P2RX3: variants seen among roughly 807,000 people sequenced by gnomAD.
P2RX3 encodes P2X purinoceptor 3.
Under a neutral mutation model 51.5 loss-of-function variants are expected in P2RX3, and 41 were observed. The observed-to-expected ratio is 0.80, with a 90% CI of 0.62 to 1.03. P2RX3 has a LOEUF of 1.03. Ranked by LOEUF, P2RX3 falls within the 50% of genes least tolerant of loss-of-function variation. P2RX3 has a pLI of 0.00. For missense variants in P2RX3, 459 were observed against 522.1 expected (o/e 0.88, Z 1.18); for synonymous variants, 185 against 191.6 (o/e 0.97, Z 0.29).
Position 57,369,987 on chromosome 11 carries a change from T to C in P2RX3, c.1184T>C (p.Ile395Thr). The stretch of plus-strand genomic sequence containing the variant: ...TCCACCGATTCGGGGGCCTTCTCCA[T>C]AGGCCACTAGGGCCTCTTTCCAGGG... ...KQSTDSGAFSIGH is the reference protein window; with the variant it reads ...KQSTDSGAFSTGH Residue 395 changes from isoleucine (I) to threonine (T), a missense_variant, in exon 12 of 12, where the codon ATA (isoleucine) becomes ACA (threonine). Coordinates refer to ENST00000263314, the MANE Select transcript of P2RX3 (RefSeq NM_002559.5). The C allele has an allele frequency of 1.2e-6, 2 of 1,610,282 alleles. No individual in the cohort carries two copies. Among genetic ancestry groups the C allele is most frequent in the African/African-American group, 1.3e-5 (1 of 75,012 alleles).
chr11:57,361,935 C>A (rs1420896303), intron 8 of P2RX3, among the ~76,000 whole-genome samples: 1 of 152,172 alleles, frequency 6.6e-6, no homozygotes, highest in African/African-American at 2.4e-5. Context: ...CCTTCCCAAC[C>A]CTTCCTTATG....
At chr11:57,364,370 G>A (rs548419023) in intron 8 of P2RX3, among the ~76,000 whole-genome samples, 2 of 152,314 alleles carry the variant, frequency 1.3e-5, no homozygotes, top group South Asian at 4.1e-4. Context: ...AACTTTGGAG[G>A]CATCGGTATG....
chr11:57,362,204 A>C (rs1404734901), intron 8 of P2RX3, among the ~76,000 whole-genome samples: 1 of 152,180 alleles, frequency 6.6e-6, no homozygotes, highest in Non-Finnish European at 1.5e-5. Flanking sequence ...TGTCTGTGGG[A>C]TGTGTTCAGG....
At chr11:57,359,322 G>T (rs1007245240) in intron 8 of P2RX3, among the ~76,000 whole-genome samples, 1 of 152,184 alleles carries the variant, frequency 6.6e-6, no homozygotes, top group African/African-American at 2.4e-5. Flanking sequence ...AGAAACCAGG[G>T]GGGAGGAAGC....
chr11:57,352,374 G>A (rs887832122), intron 8 of P2RX3, among the ~76,000 whole-genome samples: 2 of 152,136 alleles, frequency 1.3e-5, no homozygotes, highest in Non-Finnish European at 2.9e-5. Flanking sequence ...TAAAAATACT[G>A]TGCGGCTCAC....
chr11:57,342,487 G>T (rs1255226658), intron 1 of P2RX3, among the ~76,000 whole-genome samples: 1 of 151,854 alleles, frequency 6.6e-6, no homozygotes, highest in African/African-American at 2.4e-5. Context: ...AGTCATCCTG[G>T]TCCAGAGAGA....
In P2RX3 at chr11:57,369,350, T is replaced by G; in HGVS notation, c.1003-11T>G. 1 of 1,607,978 alleles carries G rather than the reference T, an allele frequency of 6.2e-7. No individual in the cohort carries two copies. Among genetic ancestry groups the G allele is most frequent in the Non-Finnish European group, 8.5e-7 (1 of 1,177,706 alleles). On this transcript the variant is annotated splice_polypyrimidine_tract_variant and intron_variant, in intron 10 of 11. Transcript: ENST00000263314. ...CACCCCTCGGAGCCCGCCCTGCCTC[T>G]CCTCCTCCAGGGAACTGTTCTCTGT...
intron 8 of P2RX3, among the ~76,000 whole-genome samples, chr11:57,353,302 C>A (rs1466170627): frequency 6.6e-6 from 1 of 152,180 alleles, no homozygotes; most frequent in Non-Finnish European, 1.5e-5. Context: ...GTTTTGTGTG[C>A]TTCAGCTCAG....
intron 8 of P2RX3, among the ~76,000 whole-genome samples, chr11:57,356,267 C>A (rs1338302854): frequency 6.6e-6 from 1 of 152,024 alleles, no homozygotes; most frequent in East Asian, 1.9e-4. Flanking sequence ...TGCCTTGCGC[C>A]ATCACATGGC....
Position 57,348,712 on chromosome 11 carries a change from C to T in P2RX3, c.563+8C>T. ...CCTCTTCAACTTTGAGAAGTGAGTC[C>T]CCACTCCTTCCCTAAAGCCAAGATG... On this transcript the variant is annotated splice_region_variant and intron_variant, in intron 6 of 11. Coordinates refer to ENST00000263314, the MANE Select transcript of P2RX3 (RefSeq NM_002559.5). 1 of 1,607,608 alleles carries T rather than the reference C, an allele frequency of 6.2e-7. No homozygotes were observed. The highest frequency in any genetic ancestry group is 8.5e-7 in the Non-Finnish European group (1 of 1,175,484).
Position 57,350,992 on chromosome 11 carries a change from C to A in P2RX3, c.842+94C>A, listed in dbSNP as rs1036609769. On this transcript the variant is annotated intron_variant, in intron 8 of 11. Coordinates refer to ENST00000263314, the MANE Select transcript of P2RX3 (RefSeq NM_002559.5). ...AGACAAGATCCCACATCCATCCACC[C>A]ACCCCTGGCCCCAAGTCCCACCTCA... is the stretch of plus-strand genomic sequence containing the variant. The A allele has an allele frequency of 8.4e-6, 13 of 1,540,212 alleles. No homozygotes were observed. The East Asian group carries it at 9.4e-5, about 11-fold the overall frequency.
At chr11:57,353,869 T>A (rs1214067602) in intron 8 of P2RX3, among the ~76,000 whole-genome samples, 1 of 127,844 alleles carries the variant, frequency 7.8e-6, no homozygotes, top group African/African-American at 3.4e-5. Context: ...TTTGTAGCTC[T>A]TTGCCTGCAG....
At chr11:57,337,350 G>GAAAAAAAAAAAAAAAAAAA (rs11339711), upstream of P2RX3, among the ~76,000 whole-genome samples, 1 of 73,496 alleles carries the variant, frequency 1.4e-5, no homozygotes, top group Non-Finnish European at 2.5e-5. Flanking sequence ...AGGAAAGAAA[G>GAAAAAAAAAAAAAAAAAAA]AAAAAAAAAA....
At chr11:57,358,772 T>C (rs1856668925) in intron 8 of P2RX3, among the ~76,000 whole-genome samples, 1 of 152,192 alleles carries the variant, frequency 6.6e-6, no homozygotes, top group African/African-American at 2.4e-5. Flanking sequence ...GGAATGGAGC[T>C]CCAGCCCTGC....
At chr11:57,368,132 G>C in intron 9 of P2RX3, 30 bp downstream of exon 9, 6 of 1,597,920 alleles carry the variant, frequency 3.8e-6, no homozygotes, top group Non-Finnish European at 5.1e-6. Flanking sequence ...AGATGGGGTG[G>C]ACAGGGGAGG....
chr11:57,347,068 C>T, intron 2 of P2RX3, 48 bp from the exon 3 acceptor site: 1 of 1,535,508 alleles, frequency 6.5e-7, no homozygotes, highest in Non-Finnish European at 9.0e-7. Flanking sequence ...CCCTGTCTCA[C>T]TGATTGGGAC....
chr11:57,355,334 CTTTTTTT>C (rs1201675322), intron 8 of P2RX3, among the ~76,000 whole-genome samples: 2 of 117,344 alleles, frequency 1.7e-5, no homozygotes, highest in East Asian at 2.4e-4. Context: ...TATTTTATTT[CTTTTTTT>C]TTTTTTTTTT....
intron 8 of P2RX3, among the ~76,000 whole-genome samples, chr11:57,360,941 G>T (rs1477867547): frequency 6.6e-6 from 1 of 152,210 alleles, no homozygotes; most frequent in Non-Finnish European, 1.5e-5. Context: ...AGCCCTGGGG[G>T]ATGTCCCAAC....
intron 1 of P2RX3, among the ~76,000 whole-genome samples, chr11:57,344,045 A>G (rs1856389227): frequency 6.6e-6 from 1 of 152,244 alleles, no homozygotes; most frequent in African/African-American, 2.4e-5. Context: ...AGAAGAAAAG[A>G]AAAGTGCTGG....
Sources: allele counts gnomAD v4.1 joint callset (sites outside exome capture counted in the v4.1 genomes callset), GRCh38; gene constraint gnomAD v4.1.1; transcripts MANE v1.5; gene names NCBI Gene and HGNC (gene_info 2026-07-23, HGNC 2026-07-21).